ATP6V1H: variants seen among roughly 807,000 people sequenced by gnomAD.
ATP6V1H encodes ATPase H+ transporting V1 subunit H.
Under a neutral mutation model 71.7 loss-of-function variants are expected in ATP6V1H, and 39 were observed. The ratio of observed to expected loss-of-function variants is 0.54; its 90% CI spans 0.42 to 0.71. The LOEUF (loss-of-function observed/expected upper bound fraction) is 0.71, where lower values mean the gene tolerates loss of function less well. ATP6V1H is among the 30% of genes least tolerant of loss of function. The probability of loss-of-function intolerance (pLI) is 0.00; values close to 1 mark genes in which losing one functional copy is unlikely to be tolerated. For synonymous variants in ATP6V1H, 192 were observed against 199.3 expected (o/e 0.96, Z 0.31); for missense variants, 509 against 594.9 (o/e 0.86, Z 1.50).
At chr8:53,757,222 C>T (rs541396649) in intron 11 of ATP6V1H, among the ~76,000 whole-genome samples, 21 of 152,318 alleles carry the variant, frequency 1.4e-4, no homozygotes, top group Non-Finnish European at 2.1e-4. Flanking sequence ...TCCAATACAA[C>T]CACATAAATT....
chr8:53,806,767 AAT>A, intron 7 of ATP6V1H: 1 of 435,556 alleles, frequency 2.3e-6, no homozygotes, highest in Non-Finnish European at 4.6e-6. Context: ...TGCATTTCAG[AAT>A]ATATCTCCAG....
At chr8:53,774,752 C>G (rs768585420) in intron 9 of ATP6V1H, among the ~76,000 whole-genome samples, 3 of 152,060 alleles carry the variant, frequency 2.0e-5, no homozygotes, top group Non-Finnish European at 2.9e-5. Flanking sequence ...ACATATGGCT[C>G]TCCTCCTGAA....
rs187335922 is a variant in ATP6V1H at position 53,724,022 on chromosome 8, A to G, written c.1392-7998T>C. 8.5e-5 allele frequency among the ~76,000 whole-genome samples: 13 copies of G among 152,368 alleles called. No homozygotes were observed. In the East Asian group the frequency reaches 2.5e-3, roughly 29 times the overall value. Reference sequence around the variant, plus strand: ...TGCAATCTACAATTTACTATTTTCTAAGTAAGCTAACAAAAGTAGTATAAC... The same window carrying G: ...TGCAATCTACAATTTACTATTTTCTGAGTAAGCTAACAAAAGTAGTATAAC... On this transcript the variant is annotated intron_variant, in intron 13 of 13. Coordinates refer to ENST00000359530, the MANE Select transcript of ATP6V1H (RefSeq NM_015941.4).
chr8:53,823,617 T>C (rs537840637), intron 4 of ATP6V1H, among the ~76,000 whole-genome samples: 2 of 152,252 alleles, frequency 1.3e-5, no homozygotes, highest in East Asian at 3.9e-4. Context: ...GCTGGGATTA[T>C]AGGCATGCGC....
At chr8:53,772,650 T>C (rs1242860354) in intron 9 of ATP6V1H, among the ~76,000 whole-genome samples, 5 of 152,204 alleles carry the variant, frequency 3.3e-5, no homozygotes, top group East Asian at 3.8e-4. Context: ...ACTCCCTTGT[T>C]TGAACAATTA....
At chr8:53,777,485 G>GA (rs376269989) in intron 9 of ATP6V1H, among the ~76,000 whole-genome samples, 184 of 142,906 alleles carry the variant, frequency 1.3e-3, no homozygotes, top group Middle Eastern at 3.6e-3. Context: ...AGTACCGAAA[G>GA]AAAAAAAAAA....
intron 7 of ATP6V1H, among the ~76,000 whole-genome samples, chr8:53,808,834 C>T (rs915564933): frequency 7.9e-5 from 12 of 151,884 alleles, no homozygotes; most frequent in Middle Eastern, 3.2e-3. Context: ...TGTAATGATC[C>T]ACTTATAACT....
In ATP6V1H at chr8:53,735,970, C is replaced by T. The variant is rs151140084; in HGVS notation, c.1391+7607G>A. ...CCCAGCTAATCCTAAGATGAGACTG[C>T]GCTGCTGAGGAAACAACAAGCCCTG... On this transcript the variant is annotated intron_variant, in intron 13 of 13. Coordinates refer to ENST00000359530, the MANE Select transcript of ATP6V1H (RefSeq NM_015941.4). 2.3e-3 allele frequency among the ~76,000 whole-genome samples: 357 copies of T among 152,246 alleles called. 2 individuals are homozygous for T. Among genetic ancestry groups the T allele is most frequent in the African/African-American group, 8.1e-3 (336 of 41,546 alleles).
At chr8:53,821,281 G>A (rs1205918735) in intron 4 of ATP6V1H, among the ~76,000 whole-genome samples, 2 of 151,380 alleles carry the variant, frequency 1.3e-5, no homozygotes, top group Non-Finnish European at 2.9e-5. Context: ...GCTGAGGCAG[G>A]AGACTCATTT....
At chr8:53,761,152 C>A (rs149257150) in intron 11 of ATP6V1H, among the ~76,000 whole-genome samples, 1 of 151,860 alleles carries the variant, frequency 6.6e-6, no homozygotes, top group African/African-American at 2.4e-5. Flanking sequence ...CTGGCTAACA[C>A]GGTGAAACCC....
At chr8:53,769,517 T>C (rs536690968) in intron 11 of ATP6V1H, 101 bp downstream of exon 11, 1 of 1,218,846 alleles carries the variant, frequency 8.2e-7, no homozygotes, top group South Asian at 1.7e-5. Flanking sequence ...AAATACAAAT[T>C]AAAACCATAG....
intron 3 of ATP6V1H, chr8:53,832,022 T>C (rs959507690): frequency 6.6e-6 from 1 of 152,130 alleles, no homozygotes; most frequent in Admixed American, 6.5e-5. Context: ...GGTTCATCCA[T>C]TAAATGGAAA....
At position 53,806,171 on chromosome 8, in the gene ATP6V1H, A is replaced by G. The variant is rs77950943; in HGVS notation, c.580-4275T>C. The stretch of plus-strand genomic sequence containing the variant: ...GAACAAGAATCAGAAGTTTTGTCAC[A>G]TAATGTTGGGCAAATCACTTAATCT... On this transcript the variant is annotated intron_variant, in intron 7 of 13. Coordinates refer to ENST00000359530, the MANE Select transcript of ATP6V1H (RefSeq NM_015941.4). Among the ~76,000 whole-genome samples the G allele has an allele frequency of 6.8e-3, 1,037 of 152,298 alleles. 13 individuals carry two copies. The highest frequency in any genetic ancestry group is 0.024 in the African/African-American group (1,002 of 41,572).
intron 7 of ATP6V1H, among the ~76,000 whole-genome samples, chr8:53,809,448 G>A (rs1463124378): frequency 2.0e-5 from 3 of 152,112 alleles, no homozygotes; most frequent in South Asian, 2.1e-4. Context: ...ATATGTTCAG[G>A]GTTGAGAGTC....
chr8:53,814,661 C>G lies in ATP6V1H; in HGVS notation c.525+1G>C. ...AGGTACTTTAAAAAATTTTCTTTTA[C>G]CTGTGAACTCAGCTGAGTTTTTATC... On this transcript the variant is annotated splice_donor_variant, in intron 6 of 13. Coordinates refer to ENST00000359530, the MANE Select transcript of ATP6V1H (RefSeq NM_015941.4). LOFTEE classifies it high-confidence loss of function. 6.3e-7 allele frequency: 1 copy of G among 1,584,844 alleles called. No homozygotes were observed. The highest frequency in any genetic ancestry group is 8.6e-7 in the Non-Finnish European group (1 of 1,158,224).
At position 53,775,467 on chromosome 8, in the gene ATP6V1H, G is replaced by A. The variant is rs111721202; in HGVS notation, c.871-3300C>T. Reference sequence around the variant, plus strand: ...GCCGAGTGGCCTGTTTTGACAGGGCGCTGATTGGTGGTTTACAATCCCTGA... The same window carrying A: ...GCCGAGTGGCCTGTTTTGACAGGGCACTGATTGGTGGTTTACAATCCCTGA... On this transcript the variant is annotated intron_variant, in intron 9 of 13. Coordinates refer to ENST00000359530, the MANE Select transcript of ATP6V1H (RefSeq NM_015941.4). Among the ~76,000 whole-genome samples, 10 of 152,312 alleles carry A rather than the reference G, an allele frequency of 6.6e-5. 1 individual carries two copies. The highest frequency in any genetic ancestry group is 2.2e-4 in the African/African-American group (9 of 41,554).
chr8:53,747,536 T>C (rs1018221983), intron 12 of ATP6V1H, among the ~76,000 whole-genome samples: 1 of 150,778 alleles, frequency 6.6e-6, no homozygotes, highest in African/African-American at 2.4e-5. Flanking sequence ...CTTTTTTTTT[T>C]TTTCCTTTTT....
chr8:53,787,945 C>CA (rs1219485043), intron 9 of ATP6V1H, among the ~76,000 whole-genome samples: 5 of 149,372 alleles, frequency 3.3e-5, no homozygotes, highest in East Asian at 1.9e-4. Context: ...AAGCCTCCCA[C>CA]AAAAAAAAAA....
intron 13 of ATP6V1H, among the ~76,000 whole-genome samples, chr8:53,725,050 T>C (rs531555200): frequency 6.6e-6 from 1 of 152,202 alleles, no homozygotes; most frequent in Non-Finnish European, 1.5e-5. Context: ...CTTTCTGCTA[T>C]GGTTTGAGTA....
Sources: gnomAD v4.1 joint callset for allele counts (sites outside exome capture counted in the v4.1 genomes callset) on GRCh38, gnomAD v4.1.1 for gene constraint, MANE v1.5 for transcripts, NCBI Gene and HGNC (gene_info 2026-07-23, HGNC 2026-07-21) for gene names.